Variants in CTNNA2 observed in about 807,000 individuals in gnomAD.
The protein encoded by CTNNA2 is catenin alpha-2.
In CTNNA2, 42 loss-of-function variants were observed where a neutral mutation model predicts 101.0. The ratio of observed to expected loss-of-function variants is 0.42; its 90% CI spans 0.32 to 0.54. The LOEUF (loss-of-function observed/expected upper bound fraction) is 0.54. Among genes scored for constraint, CTNNA2 ranks in the 20% least tolerant of loss-of-function variants. The pLI, the probability that CTNNA2 is intolerant of heterozygous loss-of-function variation, is 0.14. For synonymous variants in CTNNA2, 450 were observed against 456.4 expected (o/e 0.99, Z 0.18); for missense variants, 871 against 1,223.1 (o/e 0.71, Z 4.29).
intron 7 of CTNNA2, among the ~76,000 whole-genome samples, chr2:80,208,711 C>T (rs914739173): frequency 3.3e-5 from 5 of 152,156 alleles, no homozygotes; most frequent in African/African-American, 1.2e-4. Context: ...TTCATATAAT[C>T]GTGGGCAGTA....
At chr2:79,745,440 AAAAAT>A (rs1671578274) in intron 3 of CTNNA2, among the ~76,000 whole-genome samples, 1 of 151,622 alleles carries the variant, frequency 6.6e-6, no homozygotes, top group African/African-American at 2.4e-5. Flanking sequence ...CTTAAAAAAA[AAAAAT>A]AAAATAAAAA....
intron 1 of CTNNA2, among the ~76,000 whole-genome samples, chr2:79,196,252 TAG>T (rs1370415207): frequency 6.6e-6 from 1 of 152,186 alleles, no homozygotes; most frequent in African/African-American, 2.4e-5. Context: ...TTTAAGTATC[TAG>T]AGTTTGAAAT....
chr2:79,340,350 C>T (rs983236678), intron 3 of CTNNA2, among the ~76,000 whole-genome samples: 5 of 152,108 alleles, frequency 3.3e-5, no homozygotes, highest in Non-Finnish European at 7.3e-5. Flanking sequence ...AAATTAAACG[C>T]ACATATGTAT....
chr2:79,525,569 TATTAC>T (rs1174174241), intron 1 of CTNNA2, among the ~76,000 whole-genome samples: 1 of 151,970 alleles, frequency 6.6e-6, no homozygotes, highest in African/African-American at 2.4e-5. Flanking sequence ...TACATTACAT[TATTAC>T]ATTACATTAC....
intron 2 of CTNNA2, among the ~76,000 whole-genome samples, chr2:79,247,562 A>G (rs1269732949): frequency 6.6e-6 from 1 of 152,238 alleles, no homozygotes; most frequent in Non-Finnish European, 1.5e-5. Context: ...CTTGTCAAAT[A>G]GTAGTTAATC....
At chr2:79,954,017 G>A (rs562537685) in intron 7 of CTNNA2, among the ~76,000 whole-genome samples, 2 of 152,132 alleles carry the variant, frequency 1.3e-5, no homozygotes, top group Non-Finnish European at 2.9e-5. Flanking sequence ...AAAGGAAAGA[G>A]GTTTAGTTGA....
chr2:79,285,931 G>A (rs1193643413), intron 2 of CTNNA2, among the ~76,000 whole-genome samples: 1 of 147,272 alleles, frequency 6.8e-6, no homozygotes, highest in Non-Finnish European at 1.5e-5. Context: ...TATGAATCTG[G>A]GTGCTCCTGT....
intron 7 of CTNNA2, among the ~76,000 whole-genome samples, chr2:80,068,636 C>T (rs1013327644): frequency 2.6e-4 from 39 of 152,260 alleles, no homozygotes; most frequent in African/African-American, 9.1e-4. Flanking sequence ...TTACTTGATA[C>T]TGAGTTTTTT....
chr2:80,059,942 C>A (rs550465390), intron 7 of CTNNA2, among the ~76,000 whole-genome samples: 24 of 152,300 alleles, frequency 1.6e-4, no homozygotes, highest in Non-Finnish European at 2.8e-4. Context: ...CTCAGCCCTT[C>A]CCTTTCCAAA....
At chr2:80,378,052 G>A (rs977782276) in intron 7 of CTNNA2, among the ~76,000 whole-genome samples, 1 of 152,056 alleles carries the variant, frequency 6.6e-6, no homozygotes, top group Non-Finnish European at 1.5e-5. Flanking sequence ...GAGAGTACCT[G>A]CTTACAAATA....
At chr2:79,942,847 T>G (rs1688249311) in intron 7 of CTNNA2, among the ~76,000 whole-genome samples, 1 of 152,150 alleles carries the variant, frequency 6.6e-6, no homozygotes, top group African/African-American at 2.4e-5. Flanking sequence ...TGAAAAACCC[T>G]GCATGGACTG....
chr2:79,362,566 T>C (rs1213519948), intron 3 of CTNNA2, among the ~76,000 whole-genome samples: 1 of 152,186 alleles, frequency 6.6e-6, no homozygotes. Flanking sequence ...GTAGATATAG[T>C]AATCATTAGT....
intron 1 of CTNNA2, among the ~76,000 whole-genome samples, chr2:79,600,777 A>T (rs140915398): frequency 9.2e-5 from 14 of 152,276 alleles, no homozygotes; most frequent in Non-Finnish European, 1.5e-4. Flanking sequence ...TGAAGGCAGC[A>T]GCAAATCCTA....
chr2:79,559,918 GAAA>G (rs1287653666), intron 1 of CTNNA2, among the ~76,000 whole-genome samples: 1 of 151,180 alleles, frequency 6.6e-6, no homozygotes, highest in Non-Finnish European at 1.5e-5. Context: ...TAGAAACTCT[GAAA>G]AACACCCGAT....
chr2:80,571,930 C>A (rs1694636820), intron 12 of CTNNA2, among the ~76,000 whole-genome samples: 1 of 152,140 alleles, frequency 6.6e-6, no homozygotes, highest in Admixed American at 6.5e-5. Context: ...AAACAACTGT[C>A]TCTATGGTTA....
At chr2:80,130,645 G>A (rs886416263) in intron 7 of CTNNA2, among the ~76,000 whole-genome samples, 4 of 152,202 alleles carry the variant, frequency 2.6e-5, no homozygotes, top group Non-Finnish European at 4.4e-5. Flanking sequence ...CTGAATGCGG[G>A]AGGTGGCTAG....
intron 4 of CTNNA2, among the ~76,000 whole-genome samples, chr2:79,495,018 G>A (rs1442186900): frequency 6.6e-6 from 1 of 152,074 alleles, no homozygotes; most frequent in Non-Finnish European, 1.5e-5. Flanking sequence ...CAGGAGAATG[G>A]CGTGAACCAG....
At chr2:80,287,538 C>T (rs755082136) in intron 7 of CTNNA2, among the ~76,000 whole-genome samples, 50 of 152,094 alleles carry the variant, frequency 3.3e-4, no homozygotes, top group Non-Finnish European at 6.9e-4. Flanking sequence ...CTGATGGTGA[C>T]GATACTGACG....
chr2:80,498,737 A>G (rs556924900), intron 9 of CTNNA2, among the ~76,000 whole-genome samples: 51 of 152,316 alleles, frequency 3.3e-4, no homozygotes, highest in African/African-American at 1.1e-3. Context: ...AAACATTTTT[A>G]CCGATTTCTT....
Sources: allele counts gnomAD v4.1 joint callset (sites outside exome capture counted in the v4.1 genomes callset), GRCh38; gene constraint gnomAD v4.1.1; transcripts MANE v1.5; gene names NCBI Gene and HGNC (gene_info 2026-07-23, HGNC 2026-07-21).